Variants in ARPP21 observed in about 807,000 individuals in gnomAD.
ARPP21 encodes the protein cAMP-regulated phosphoprotein 21.
In ARPP21, 69 loss-of-function variants were observed where a neutral mutation model predicts 113.2. That is an observed-to-expected ratio of 0.61 (90% CI 0.50 to 0.74). ARPP21 has a LOEUF of 0.74. Ranked by LOEUF, ARPP21 falls within the 30% of genes least tolerant of loss-of-function variation. ARPP21 has a pLI of 0.00. For synonymous variants in ARPP21, 368 were observed against 375.5 expected (o/e 0.98, Z 0.23); for missense variants, 1,070 against 1,037.4 (o/e 1.03, Z -0.43).
chr3:35,722,967 T>C (rs2093234283), intron 14 of ARPP21, among the ~76,000 whole-genome samples: 1 of 152,314 alleles, frequency 6.6e-6, no homozygotes, highest in African/African-American at 2.4e-5. Context: ...TGTAATTGTT[T>C]TTGCTTTGTT....
intron 9 of ARPP21, among the ~76,000 whole-genome samples, chr3:35,693,071 A>G (rs1211699362): frequency 1.3e-5 from 2 of 151,556 alleles, no homozygotes; most frequent in Non-Finnish European, 3.0e-5. Flanking sequence ...TGGCCATTTA[A>G]AAATAGATGC....
intron 11 of ARPP21, among the ~76,000 whole-genome samples, chr3:35,713,722 C>G (rs1039918499): frequency 6.6e-6 from 1 of 152,114 alleles, no homozygotes; most frequent in East Asian, 1.9e-4. Context: ...TTGCTTGTGT[C>G]TTACTTTTTA....
intron 11 of ARPP21, among the ~76,000 whole-genome samples, chr3:35,709,839 G>A (rs967412879): frequency 6.6e-6 from 1 of 152,190 alleles, no homozygotes; most frequent in East Asian, 1.9e-4. Context: ...AGAAGTGTGA[G>A]CTCCTTTGTA....
chr3:35,728,300 C>A (rs1418373120), intron 14 of ARPP21, among the ~76,000 whole-genome samples: 8 of 146,048 alleles, frequency 5.5e-5, no homozygotes, highest in African/African-American at 1.8e-4. Flanking sequence ...CTCACTGCAA[C>A]CTCCACCTCC....
At chr3:35,660,534 T>C (rs1575523051) in intron 1 of ARPP21, among the ~76,000 whole-genome samples, 1 of 152,274 alleles carries the variant, frequency 6.6e-6, no homozygotes, top group East Asian at 1.9e-4. Context: ...TTCTGTGCCA[T>C]CCTTGGAGAA....
chr3:35,678,493 A>G (rs140678699), intron 1 of ARPP21, among the ~76,000 whole-genome samples: 6 of 152,110 alleles, frequency 3.9e-5, no homozygotes, highest in Admixed American at 3.9e-4. Flanking sequence ...TAAAATTACT[A>G]TTGATTAGCA....
intron 2 of ARPP21, 51 bp from the exon 3 acceptor site, chr3:35,681,663 G>A: frequency 1.1e-6 from 1 of 888,310 alleles, no homozygotes. Flanking sequence ...TCTAAAGAAT[G>A]ATAGTAAATA....
intron 15 of ARPP21, among the ~76,000 whole-genome samples, chr3:35,731,245 G>T (rs1178310572): frequency 6.6e-6 from 1 of 152,156 alleles, no homozygotes; most frequent in African/African-American, 2.4e-5. Context: ...TTGTGCATGT[G>T]TATGTGTATA....
intron 1 of ARPP21, chr3:35,651,672 G>C (rs1218883168): frequency 6.6e-6 from 1 of 151,956 alleles, no homozygotes; most frequent in Admixed American, 6.6e-5. Context: ...ATTTCTAAAA[G>C]GGGATTGTTC....
intron 18 of ARPP21, among the ~76,000 whole-genome samples, chr3:35,743,146 A>T (rs1227906687): frequency 6.6e-6 from 1 of 152,184 alleles, no homozygotes; most frequent in Non-Finnish European, 1.5e-5. Context: ...ATATTTCATG[A>T]TTGCATTCTC....
chr3:35,770,990 C>T (rs1302338112), intron 19 of ARPP21, among the ~76,000 whole-genome samples: 1 of 152,174 alleles, frequency 6.6e-6, no homozygotes, highest in African/African-American at 2.4e-5. Context: ...ATTGAGGGAG[C>T]TGGAAGGGTC....
intron 19 of ARPP21, among the ~76,000 whole-genome samples, chr3:35,783,541 T>A (rs1243756605): frequency 6.6e-6 from 1 of 152,172 alleles, no homozygotes; most frequent in African/African-American, 2.4e-5. Context: ...GCCACCCTTT[T>A]CTTAACTTCA....
intron 19 of ARPP21, among the ~76,000 whole-genome samples, chr3:35,767,728 A>G (rs1027144820): frequency 1.3e-5 from 2 of 152,070 alleles, no homozygotes; most frequent in African/African-American, 4.8e-5. Context: ...TCAGTTTGCA[A>G]TGGCTGTTTA....
At chr3:35,731,946 A>G (rs1300210829) in intron 15 of ARPP21, among the ~76,000 whole-genome samples, 1 of 152,154 alleles carries the variant, frequency 6.6e-6, no homozygotes, top group African/African-American at 2.4e-5. Context: ...GAGGAGCCAT[A>G]CTTAGTTATT....
intron 19 of ARPP21, among the ~76,000 whole-genome samples, chr3:35,753,215 A>G (rs753890463): frequency 6.6e-6 from 1 of 151,958 alleles, no homozygotes; most frequent in Non-Finnish European, 1.5e-5. Context: ...TCTCTCAACC[A>G]TCTAATTCAA....
At chr3:35,672,869 G>T (rs982019270) in intron 1 of ARPP21, among the ~76,000 whole-genome samples, 1 of 152,022 alleles carries the variant, frequency 6.6e-6, no homozygotes, top group Non-Finnish European at 1.5e-5. Flanking sequence ...GCAATGAATA[G>T]ATGTATTTGA....
At chr3:35,659,925 G>A (rs781131832) in intron 1 of ARPP21, among the ~76,000 whole-genome samples, 3 of 152,164 alleles carry the variant, frequency 2.0e-5, no homozygotes, top group Admixed American at 6.5e-5. Flanking sequence ...TGTGTAAAGA[G>A]TCACATAAGT....
chr3:35,769,050 C>T (rs1429867022), intron 19 of ARPP21, among the ~76,000 whole-genome samples: 2 of 152,136 alleles, frequency 1.3e-5, no homozygotes, highest in Non-Finnish European at 2.9e-5. Context: ...TCCTCTCTTT[C>T]TCTCTCACTC....
At chr3:35,754,129 T>TTTCTTCCTAGTGAG in intron 19 of ARPP21, among the ~76,000 whole-genome samples, 3 of 151,936 alleles carry the variant, frequency 2.0e-5, no homozygotes, top group Non-Finnish European at 4.4e-5. Flanking sequence ...GATGCATTAA[T>TTTCTTCCTAGTGAG]TTATAAACAG....
Sources: allele counts gnomAD v4.1 joint callset (sites outside exome capture counted in the v4.1 genomes callset), GRCh38; gene constraint gnomAD v4.1.1; transcripts MANE v1.5; gene names NCBI Gene and HGNC (gene_info 2026-07-23, HGNC 2026-07-21).